The following ADAMTSL1 variants were observed in gnomAD, a reference collection of about 807,000 sequenced individuals.
ADAMTSL1 encodes ADAMTS-like protein 1.
Under a neutral mutation model 201.8 loss-of-function variants are expected in ADAMTSL1, and 126 were observed. The ratio of observed to expected loss-of-function variants is 0.62; its 90% CI spans 0.54 to 0.72. The LOEUF (loss-of-function observed/expected upper bound fraction) is 0.72. Among genes scored for constraint, ADAMTSL1 ranks in the 30% least tolerant of loss-of-function variants. ADAMTSL1 has a pLI of 0.00. For synonymous variants in ADAMTSL1, 1,121 were observed against 903.4 expected, an observed-to-expected ratio of 1.24 and a Z score of -4.32; for missense variants, 2,679 against 2,277.8, an observed-to-expected ratio of 1.18 and a Z score of -3.59.
chr9:18,579,910 A>C (rs13293767), intron 4 of ADAMTSL1, among the ~76,000 whole-genome samples: 1 of 152,172 alleles, frequency 6.6e-6, no homozygotes, highest in African/African-American at 2.4e-5. Context: ...TATATTTTTT[A>C]AAAGAGTAGC....
chr9:18,206,800 A>C (rs1461271048), intron 2 of ADAMTSL1, among the ~76,000 whole-genome samples: 1 of 152,082 alleles, frequency 6.6e-6, no homozygotes, highest in African/African-American at 2.4e-5. Flanking sequence ...TTGATCCCTA[A>C]ATTATCTAGA....
intron 2 of ADAMTSL1, among the ~76,000 whole-genome samples, chr9:18,198,864 G>A (rs1056454632): frequency 7.0e-6 from 1 of 143,718 alleles, no homozygotes; most frequent in African/African-American, 2.6e-5. Flanking sequence ...CAACCCAAAT[G>A]TCCAACAATG....
chr9:18,170,093 T>G (rs1055021752), intron 2 of ADAMTSL1, among the ~76,000 whole-genome samples: 4 of 151,892 alleles, frequency 2.6e-5, no homozygotes, highest in African/African-American at 7.3e-5. Context: ...CCCTGTGGGG[T>G]TTTTAAGTGT....
At chr9:18,819,642 C>T (rs1824088183) in intron 21 of ADAMTSL1, among the ~76,000 whole-genome samples, 1 of 152,194 alleles carries the variant, frequency 6.6e-6, no homozygotes, top group Non-Finnish European at 1.5e-5. Context: ...TCCAGAGGCT[C>T]ACTTGATAAC....
intron 6 of ADAMTSL1, among the ~76,000 whole-genome samples, chr9:18,638,929 T>C (rs1827268432): frequency 6.6e-6 from 1 of 152,022 alleles, no homozygotes; most frequent in Non-Finnish European, 1.5e-5. Flanking sequence ...AAAAGAGACA[T>C]ATGAGAATTG....
intron 22 of ADAMTSL1, among the ~76,000 whole-genome samples, chr9:18,827,684 A>G (rs1009772436): frequency 5.9e-5 from 9 of 152,144 alleles, no homozygotes; most frequent in African/African-American, 1.2e-4. Context: ...AACACAGATG[A>G]AAGTCTAAGA....
At chr9:18,054,216 G>A (rs1563972538) in intron 1 of ADAMTSL1, among the ~76,000 whole-genome samples, 1 of 152,138 alleles carries the variant, frequency 6.6e-6, no homozygotes, top group Non-Finnish European at 1.5e-5. Flanking sequence ...ATACATTGTA[G>A]AAAATTGAGA....
chr9:18,583,036 T>G (rs1011993828), intron 4 of ADAMTSL1, among the ~76,000 whole-genome samples: 15 of 152,136 alleles, frequency 9.9e-5, no homozygotes, highest in African/African-American at 3.4e-4. Flanking sequence ...ATAAACCTCT[T>G]TCTTTTGTAA....
intron 2 of ADAMTSL1, among the ~76,000 whole-genome samples, chr9:18,507,751 G>A (rs187647809): frequency 6.6e-6 from 1 of 152,274 alleles, no homozygotes; most frequent in East Asian, 1.9e-4. Context: ...GCTGAGCTGT[G>A]ACAGAAAATA....
chr9:18,452,855 C>G (rs1820462518), intron 2 of ADAMTSL1, among the ~76,000 whole-genome samples: 1 of 152,216 alleles, frequency 6.6e-6, no homozygotes, highest in Admixed American at 6.5e-5. Context: ...GGGCTTAGTC[C>G]ACCAGCAGCT....
At chr9:18,322,352 A>G (rs989159802) in intron 2 of ADAMTSL1, among the ~76,000 whole-genome samples, 3 of 152,176 alleles carry the variant, frequency 2.0e-5, no homozygotes, top group Admixed American at 2.0e-4. Context: ...CATTAGCAGT[A>G]CCAGGTGTGG....
At chr9:18,660,899 C>T (rs867304235) in intron 8 of ADAMTSL1, among the ~76,000 whole-genome samples, 5 of 152,136 alleles carry the variant, frequency 3.3e-5, no homozygotes, top group Non-Finnish European at 5.9e-5. Context: ...CATAAACCTC[C>T]TTCTGATTTC....
chr9:18,658,466 A>T (rs2132991934), intron 8 of ADAMTSL1, among the ~76,000 whole-genome samples: 1 of 152,322 alleles, frequency 6.6e-6, no homozygotes, highest in South Asian at 2.1e-4. Context: ...AATTAGAGAA[A>T]ATAGTTTGCT....
At chr9:18,543,201 A>G (rs1172140762) in intron 3 of ADAMTSL1, among the ~76,000 whole-genome samples, 1 of 152,216 alleles carries the variant, frequency 6.6e-6, no homozygotes, top group African/African-American at 2.4e-5. Flanking sequence ...TGAATGTAGG[A>G]TGGTGACTAA....
chr9:17,919,025 A>G (rs1423785617), intron 1 of ADAMTSL1, among the ~76,000 whole-genome samples: 1 of 151,836 alleles, frequency 6.6e-6, no homozygotes, highest in East Asian at 1.9e-4. Flanking sequence ...TTTTTAATAT[A>G]ATAGTTACCT....
At chr9:17,991,420 C>A (rs1021634905) in intron 1 of ADAMTSL1, among the ~76,000 whole-genome samples, 1 of 152,020 alleles carries the variant, frequency 6.6e-6, no homozygotes, top group African/African-American at 2.4e-5. Flanking sequence ...GGTTCTAATC[C>A]TCTGATTCAG....
intron 2 of ADAMTSL1, among the ~76,000 whole-genome samples, chr9:18,179,668 G>A (rs551725858): frequency 3.2e-4 from 48 of 152,310 alleles, no homozygotes; most frequent in Middle Eastern, 3.4e-3. Flanking sequence ...CAGACTAACA[G>A]CGGATCTCTC....
intron 2 of ADAMTSL1, among the ~76,000 whole-genome samples, chr9:18,304,061 G>T (rs971884685): frequency 2.6e-5 from 4 of 152,072 alleles, no homozygotes; most frequent in African/African-American, 9.7e-5. Context: ...ATCTTTCAGG[G>T]TCTATTTATG....
At chr9:18,579,059 G>A (rs558699049) in intron 4 of ADAMTSL1, among the ~76,000 whole-genome samples, 25 of 151,270 alleles carry the variant, frequency 1.7e-4, no homozygotes, top group South Asian at 6.3e-4. Context: ...GTCATGTTGC[G>A]GCATTATTCA....
Sources: allele counts gnomAD v4.1 joint callset (sites outside exome capture counted in the v4.1 genomes callset), GRCh38; gene constraint gnomAD v4.1.1; transcripts MANE v1.5; gene names NCBI Gene and HGNC (gene_info 2026-07-23, HGNC 2026-07-21).